The following TUSC3 variants were observed in gnomAD, a reference collection of about 807,000 sequenced individuals.
The protein encoded by TUSC3 is tumor suppressor candidate 3.
Under a neutral mutation model 44.8 loss-of-function variants are expected in TUSC3, and 45 were observed. The ratio of observed to expected loss-of-function variants is 1.00; its 90% CI spans 0.79 to 1.29. The LOEUF (loss-of-function observed/expected upper bound fraction) is 1.29, where lower values mean the gene tolerates loss of function less well. Ranked by LOEUF, TUSC3 falls within the 50% of genes most tolerant of loss-of-function variation. The pLI is 0.00. For synonymous variants in TUSC3, 212 were observed against 152.9 expected, an observed-to-expected ratio of 1.39 and a Z score of -2.85; for missense variants, 519 against 437.9, an observed-to-expected ratio of 1.19 and a Z score of -1.65.
At chr8:15,419,407 TC>T (rs1382058533) in intron 1 of TUSC3, among the ~76,000 whole-genome samples, 1 of 152,232 alleles carries the variant, frequency 6.6e-6, no homozygotes, top group Non-Finnish European at 1.5e-5. Context: ...AAGTCAGTTA[TC>T]TTCTGATTTT....
chr8:15,776,693 G>T, the TUSC3 span, among the ~76,000 whole-genome samples: 4 of 151,848 alleles, frequency 2.6e-5, no homozygotes, highest in Admixed American at 6.6e-5. Context: ...TCAATAATTG[G>T]CAGTGAGCTA....
chr8:15,511,515 C>A (rs541521731), intron 2 of TUSC3, among the ~76,000 whole-genome samples: 21 of 152,224 alleles, frequency 1.4e-4, no homozygotes, highest in African/African-American at 4.8e-4. Flanking sequence ...AAATTTTAAA[C>A]ACAATACCAC....
intron 6 of TUSC3, among the ~76,000 whole-genome samples, chr8:15,725,089 A>G (rs1036213267): frequency 6.6e-6 from 1 of 152,172 alleles, no homozygotes; most frequent in African/African-American, 2.4e-5. Context: ...AATAAGTTAT[A>G]ATTTTAAAAA....
chr8:15,844,956 C>G, the TUSC3 span, among the ~76,000 whole-genome samples: 1 of 152,018 alleles, frequency 6.6e-6, no homozygotes. Flanking sequence ...GATATATTAC[C>G]TTGGCATTTC....
At chr8:15,549,227 T>C (rs1801971281) in intron 1 of TUSC3, among the ~76,000 whole-genome samples, 1 of 151,770 alleles carries the variant, frequency 6.6e-6, no homozygotes. Context: ...CAGGCTGGAG[T>C]GCAGTGGGCT....
intron 5 of TUSC3, 144 bp downstream of exon 5, chr8:15,662,440 AGTTT>A: frequency 1.7e-6 from 2 of 1,183,578 alleles, no homozygotes; most frequent in Non-Finnish European, 2.4e-6. Context: ...TGGATAATTT[AGTTT>A]GAGTTTTCTG....
At chr8:15,511,818 C>T (rs1207028185) in intron 2 of TUSC3, among the ~76,000 whole-genome samples, 1 of 152,024 alleles carries the variant, frequency 6.6e-6, no homozygotes, top group East Asian at 1.9e-4. Context: ...TTGCAGTGAG[C>T]CAAGATTGCG....
chr8:15,518,384 A>C (rs1275679986), intron 2 of TUSC3, among the ~76,000 whole-genome samples: 2 of 152,180 alleles, frequency 1.3e-5, no homozygotes, highest in African/African-American at 2.4e-5. Context: ...GTTGAATATT[A>C]AATGGAAAAT....
intron 6 of TUSC3, among the ~76,000 whole-genome samples, chr8:15,682,166 T>C (rs1186244037): frequency 1.3e-5 from 2 of 152,150 alleles, no homozygotes; most frequent in Admixed American, 1.3e-4. Flanking sequence ...ATTCTGTAGA[T>C]GTCAGTTAGG....
the TUSC3 span, among the ~76,000 whole-genome samples, chr8:15,805,673 C>A: frequency 1.3e-5 from 2 of 152,220 alleles, no homozygotes; most frequent in Middle Eastern, 3.4e-3. Context: ...AGGAGTGAAG[C>A]CTACTTGATC....
chr8:15,778,213 T>C, the TUSC3 span, among the ~76,000 whole-genome samples: 1 of 152,174 alleles, frequency 6.6e-6, no homozygotes, highest in Admixed American at 6.5e-5. Flanking sequence ...CCACCTGATT[T>C]CCATAAAGAC....
At chr8:15,844,541 A>T in the TUSC3 span, among the ~76,000 whole-genome samples, 1 of 152,198 alleles carries the variant, frequency 6.6e-6, no homozygotes, top group African/African-American at 2.4e-5. Flanking sequence ...AAAAGATCAC[A>T]TGTCCATAAC....
intron 1 of TUSC3, among the ~76,000 whole-genome samples, chr8:15,616,095 A>G (rs754129077): frequency 6.6e-6 from 1 of 152,238 alleles, no homozygotes; most frequent in Non-Finnish European, 1.5e-5. Flanking sequence ...GTAGGAAGGT[A>G]TAATAAAAGT....
chr8:15,845,803 G>C, the TUSC3 span, among the ~76,000 whole-genome samples: 1 of 152,118 alleles, frequency 6.6e-6, no homozygotes. Flanking sequence ...TTATAGGCCA[G>C]TGTTGTTAGT....
At chr8:15,502,078 A>G (rs988488021) in intron 2 of TUSC3, among the ~76,000 whole-genome samples, 4 of 152,130 alleles carry the variant, frequency 2.6e-5, no homozygotes, top group African/African-American at 9.7e-5. Context: ...ATCACCATCT[A>G]TCTATTCAAT....
At chr8:15,727,443 C>T (rs1444466430) in intron 6 of TUSC3, among the ~76,000 whole-genome samples, 2 of 151,914 alleles carry the variant, frequency 1.3e-5, no homozygotes, top group Admixed American at 6.6e-5. Flanking sequence ...GTATTTTTTC[C>T]TATAACTGCT....
At chr8:15,564,219 C>T (rs6980838) in intron 1 of TUSC3, among the ~76,000 whole-genome samples, 1 of 151,748 alleles carries the variant, frequency 6.6e-6, no homozygotes. Context: ...ATTTTCAAAT[C>T]GAGGTTATTA....
intron 6 of TUSC3, among the ~76,000 whole-genome samples, chr8:15,719,112 G>A (rs972895708): frequency 1.6e-4 from 25 of 152,096 alleles, no homozygotes; most frequent in African/African-American, 5.3e-4. Context: ...TGCTTGCTTC[G>A]TTATAGTCTG....
chr8:15,482,676 C>G (rs1800678327), intron 1 of TUSC3, among the ~76,000 whole-genome samples: 1 of 152,124 alleles, frequency 6.6e-6, no homozygotes, highest in African/African-American at 2.4e-5. Flanking sequence ...TCAAGTCTTA[C>G]TGTGTTAGAA....
Sources: gnomAD v4.1 joint callset for allele counts (sites outside exome capture counted in the v4.1 genomes callset) on GRCh38, gnomAD v4.1.1 for gene constraint, MANE v1.5 for transcripts, NCBI Gene and HGNC (gene_info 2026-07-23, HGNC 2026-07-21) for gene names.